The following AR variants were observed in gnomAD, a reference collection of about 807,000 sequenced individuals.
AR encodes the protein dihydrotestosterone receptor.
Under a neutral mutation model 53.9 loss-of-function variants are expected in AR, and 8 were observed. That is an observed-to-expected ratio of 0.15 (90% confidence interval 0.09 to 0.27). The LOEUF (loss-of-function observed/expected upper bound fraction) is 0.27, where lower values mean the gene tolerates loss of function less well. AR is among the 10% of genes least tolerant of loss of function. The pLI is 1.00. For missense variants in AR, 639 were observed against 742.5 expected (o/e 0.86, Z 1.62); for synonymous variants, 359 against 316.4 (o/e 1.13, Z -1.43).
chrX:67,697,112 G>A (rs965748160), intron 3 of AR, among the ~76,000 whole-genome samples: 2 of 111,866 alleles, frequency 1.8e-5, no homozygotes, highest in East Asian at 5.6e-4. Context: ...AAATACTGCT[G>A]TTCTTGTTTG....
chrX:67,658,758 A>G (rs1926711802), intron 2 of AR, among the ~76,000 whole-genome samples: 1 of 112,168 alleles, frequency 8.9e-6, no homozygotes, highest in Admixed American at 9.5e-5. Flanking sequence ...GAAAACCACG[A>G]GGGGTTTGGA....
At chrX:67,630,067 C>T (rs1924983175) in intron 1 of AR, among the ~76,000 whole-genome samples, 1 of 110,551 alleles carries the variant, frequency 9.0e-6, no homozygotes, top group African/African-American at 3.3e-5. Context: ...ACTATGTGGT[C>T]AATTTTGGAA....
intron 2 of AR, among the ~76,000 whole-genome samples, chrX:67,662,529 T>C (rs1441729550): frequency 4.5e-5 from 5 of 112,084 alleles, no homozygotes; most frequent in Non-Finnish European, 9.4e-5. Context: ...TCCTGAGTTC[T>C]AGTTTGATTG....
At chrX:67,672,493 T>C (rs1293419054) in intron 2 of AR, among the ~76,000 whole-genome samples, 4 of 108,209 alleles carry the variant, frequency 3.7e-5, no homozygotes, top group Non-Finnish European at 5.7e-5. Context: ...TTCCTTTTTA[T>C]TTTTTTTTGT....
intron 1 of AR, among the ~76,000 whole-genome samples, chrX:67,549,349 A>C (rs758709617): frequency 1.8e-5 from 2 of 111,650 alleles, no homozygotes; most frequent in Admixed American, 9.5e-5. Flanking sequence ...TTATGTACAT[A>C]ATTTTGTGGA....
intron 2 of AR, among the ~76,000 whole-genome samples, chrX:67,658,446 CTTTAT>C (rs932237135): frequency 1.2e-4 from 13 of 112,192 alleles, no homozygotes; most frequent in Middle Eastern, 4.7e-3. Flanking sequence ...AGTGAGATCA[CTTTAT>C]TTTATTTTAT....
chrX:67,639,710 G>A (rs1447531259), intron 1 of AR, among the ~76,000 whole-genome samples: 1 of 111,994 alleles, frequency 8.9e-6, no homozygotes, highest in Non-Finnish European at 1.9e-5. Context: ...AGCTTAAGGT[G>A]ATTTTGGGCT....
intron 1 of AR, among the ~76,000 whole-genome samples, chrX:67,575,548 G>C (rs1003638734): frequency 4.5e-5 from 5 of 111,730 alleles, no homozygotes; most frequent in African/African-American, 1.6e-4. Flanking sequence ...TTTAGAAGAA[G>C]AAATGAAATG....
chrX:67,649,804 A>C (rs1414284540), intron 2 of AR, among the ~76,000 whole-genome samples: 2 of 111,734 alleles, frequency 1.8e-5, no homozygotes, highest in Non-Finnish European at 3.8e-5. Flanking sequence ...AGATTGCGAA[A>C]ATTTTCTCTC....
At chrX:67,709,017 G>A (rs948157052) in intron 3 of AR, among the ~76,000 whole-genome samples, 3 of 111,638 alleles carry the variant, frequency 2.7e-5, no homozygotes, top group Non-Finnish European at 5.6e-5. Context: ...TCTCAGAGGG[G>A]TACCTAGCCA....
intron 1 of AR, among the ~76,000 whole-genome samples, chrX:67,588,435 A>C (rs1479758742): frequency 1.8e-5 from 2 of 112,285 alleles, no homozygotes; most frequent in Non-Finnish European, 3.8e-5. Context: ...CATGCAGGCC[A>C]GTACAACAGC....
In AR at chrX:67,545,239, C is replaced by G. The variant is rs2147314141; in HGVS notation, c.93C>G (p.Arg31=). 1 of 1,210,088 alleles carries G rather than the reference C, an allele frequency of 8.3e-7. No individual in the cohort carries two copies. Among genetic ancestry groups the G allele is most frequent in the Non-Finnish European group, 1.1e-6 (1 of 895,179 alleles). The part of the protein sequence containing the change: ...GAFQNLFQSV[R]EVIQNPGPRH... ...TCCAGAATCTGTTCCAGAGCGTGCG[C>G]GAAGTGATCCAGAACCCGGGCCCCA... is the stretch of plus-strand genomic sequence containing the variant. Residue 31 remains arginine, a synonymous_variant, in exon 1 of 8, where the codon CGC becomes CGG. Coordinates refer to ENST00000374690, the MANE Select transcript of AR (RefSeq NM_000044.6).
chrX:67,587,324 T>TTAA (rs1922595810), intron 1 of AR, among the ~76,000 whole-genome samples: 2 of 112,680 alleles, frequency 1.8e-5, no homozygotes, highest in African/African-American at 6.4e-5. Context: ...TAAGTATTCA[T>TTAA]TAATGTTCAT....
rs946417610 is a variant in AR, at chrX:67,545,059, G to A, written c.-88G>A. Reference sequence around the variant, plus strand: ...TGGGCAGCTAGCTGCAGCGACTACCGCATCATCACAGCCTGTTGAACTCTT... The same window carrying A: ...TGGGCAGCTAGCTGCAGCGACTACCACATCATCACAGCCTGTTGAACTCTT... On this transcript the variant is annotated 5_prime_UTR_variant, in exon 1 of 8. Transcript: ENST00000374690. The A allele has an allele frequency of 1.7e-5, 19 of 1,091,234 alleles. No individual in the cohort carries two copies. Among genetic ancestry groups the A allele is most frequent in the Non-Finnish European group, 2.3e-5 (19 of 829,921 alleles). The allele number at this position is 1,091,234 out of a possible 1,213,427, so 89.9% of individuals were successfully genotyped here.
At chrX:67,556,872 C>T (rs1337754877) in intron 1 of AR, among the ~76,000 whole-genome samples, 2 of 111,316 alleles carry the variant, frequency 1.8e-5, no homozygotes, top group African/African-American at 3.3e-5. Context: ...AGCACACTTG[C>T]TGTGATGGAG....
chrX:67,599,612 A>G (rs1158610683), intron 1 of AR, among the ~76,000 whole-genome samples: 1 of 111,915 alleles, frequency 8.9e-6, no homozygotes, highest in Non-Finnish European at 1.9e-5. Flanking sequence ...TGCTCAATCA[A>G]TGTTGATTCT....
At chrX:67,623,177 C>G (rs1924460827) in intron 1 of AR, among the ~76,000 whole-genome samples, 1 of 110,510 alleles carries the variant, frequency 9.0e-6, no homozygotes, top group Admixed American at 9.7e-5. Flanking sequence ...CCCCCCGCCC[C>G]CATAAATCCG....
chrX:67,692,471 G>A (rs1004863968), intron 3 of AR, among the ~76,000 whole-genome samples: 2 of 112,112 alleles, frequency 1.8e-5, no homozygotes, highest in Non-Finnish European at 3.8e-5. Flanking sequence ...AAACTCTGGG[G>A]ATTTTTTTGT....
At position 67,546,562 on chromosome X, in the gene AR, C is replaced by CGGA. The variant is rs1929767786; in HGVS notation, c.1418_1419insAGG (p.Gly473dup). On this transcript the variant is annotated inframe_insertion, in exon 1 of 8. Transcript: ENST00000374690. Reference sequence around the variant, plus strand: ...GCGGCGGCGGCGGCGGCGGCGGCGGCGGCGAGGCGGGAGCTGTAGCCCCCT... The same window carrying CGGA: ...GCGGCGGCGGCGGCGGCGGCGGCGGCGGAGGCGAGGCGGGAGCTGTAGCCCCCT... 2.1e-6 allele frequency: 2 copies of CGGA among 974,909 alleles called. No individual in the cohort carries two copies. Among genetic ancestry groups the CGGA allele is most frequent in the Non-Finnish European group, 2.6e-6 (2 of 772,611 alleles). 80.3% of individuals were successfully genotyped at this position (974,909 alleles called of 1,213,427 possible). A position where few individuals can be genotyped will look rare whatever the true frequency, so the allele number is the denominator to read the frequency against.
Sources: allele counts gnomAD v4.1 joint callset (sites outside exome capture counted in the v4.1 genomes callset), GRCh38; gene constraint gnomAD v4.1.1; transcripts MANE v1.5; gene names NCBI Gene and HGNC (gene_info 2026-07-23, HGNC 2026-07-21).